Variants in CAMTA1 observed in about 807,000 individuals in gnomAD.
CAMTA1 encodes calmodulin binding transcription activator 1.
In CAMTA1, 27 loss-of-function variants were observed where a neutral mutation model predicts 170.9. That is an observed-to-expected ratio of 0.16 (90% confidence interval 0.12 to 0.22). The LOEUF (loss-of-function observed/expected upper bound fraction) is 0.22. Among genes scored for constraint, CAMTA1 ranks in the 10% least tolerant of loss-of-function variants. CAMTA1 has a pLI of 1.00. For missense variants in CAMTA1, 1,619 were observed against 2,217.2 expected (o/e 0.73, Z 5.42); for synonymous variants, 833 against 891.5 (o/e 0.93, Z 1.17).
rs180756099 is a variant in CAMTA1 at position 7,093,835 on chromosome 1, T to C, written c.302+2464T>C. ...CTCCGTCACTCAGTGGCTTTGCGACTGTGAAAAGGTCATCTTAGCTCCTTT... is the reference window on the plus strand; with the variant it reads ...CTCCGTCACTCAGTGGCTTTGCGACCGTGAAAAGGTCATCTTAGCTCCTTT... On this transcript the variant is annotated intron_variant, in intron 4 of 22. Transcript: ENST00000303635. The surrounding 1 kb of genome is among the most constrained non-coding windows in gnomAD (Gnocchi z 4.6). Among the ~76,000 whole-genome samples, 20 of 152,360 alleles carry C rather than the reference T, an allele frequency of 1.3e-4. No homozygotes were observed. Among genetic ancestry groups the C allele is most frequent in the East Asian group, 5.8e-4 (3 of 5,182 alleles).
chr1:6,807,309 C>T (rs921037548), intron 1 of CAMTA1, among the ~76,000 whole-genome samples: 3 of 152,188 alleles, frequency 2.0e-5, no homozygotes, highest in Admixed American at 2.0e-4. Context: ...CTGGCCTTTA[C>T]TCTGTCCCTT....
intron 6 of CAMTA1, among the ~76,000 whole-genome samples, chr1:7,540,540 G>A (rs916333945): frequency 6.6e-6 from 1 of 152,174 alleles, no homozygotes; most frequent in Non-Finnish European, 1.5e-5. Context: ...TTCAATAGAT[G>A]TCTACACTTT....
At chr1:7,302,869 C>T (rs77751572) in intron 5 of CAMTA1, among the ~76,000 whole-genome samples, 44,444 of 151,982 alleles carry the variant, frequency 0.29, 7,393 homozygotes, top group Admixed American at 0.41. Flanking sequence ...CAATCTGCAG[C>T]AGAATTAATC....
intron 5 of CAMTA1, among the ~76,000 whole-genome samples, chr1:7,254,595 T>C (rs6577428): frequency 0.7 from 106,357 of 152,148 alleles, 38,219 homozygotes; most frequent in African/African-American, 0.87. Context: ...GTGGTGGTAA[T>C]GAGGTTATGT....
chr1:7,309,287 ATTTTTTTTTTTTT>A lies in CAMTA1; in HGVS notation c.438+59679_438+59691del, dbSNP rs34401498. Among the ~76,000 whole-genome samples, 27 of 70,468 alleles carry A rather than the reference ATTTTTTTTTTTTT, an allele frequency of 3.8e-4. No individual in the cohort carries two copies. In the Admixed American group the frequency reaches 5.6e-3, roughly 15 times the overall value. The allele number at this position is 70,468 out of a possible 152,430, so 46.2% of individuals were successfully genotyped here. On this transcript the variant is annotated intron_variant, in intron 5 of 22. Transcript: ENST00000303635. ...GTCTTTTCATTATTGCAGTTAGAAA[ATTTTTTTTTTTTT>A]TTTTTTTTTTTTTTTTTGAGACGGA...
chr1:6,952,108 T>A (rs1365973816), intron 3 of CAMTA1, among the ~76,000 whole-genome samples: 1 of 152,132 alleles, frequency 6.6e-6, no homozygotes, highest in Non-Finnish European at 1.5e-5. Flanking sequence ...AAAACAATAC[T>A]GGGTGGTTCA....
intron 1 of CAMTA1, among the ~76,000 whole-genome samples, chr1:6,799,704 A>C (rs1643433991): frequency 6.6e-6 from 1 of 152,166 alleles, no homozygotes. Context: ...ATTAATAATT[A>C]ATAGCAATAA....
chr1:7,689,735 C>T lies in CAMTA1; in HGVS notation c.2914+12002C>T, dbSNP rs117864244. Among the ~76,000 whole-genome samples the T allele has an allele frequency of 1.5e-3, 236 of 152,306 alleles. 8 individuals are homozygous for T. The East Asian group carries it at 0.04, about 26-fold the overall frequency. On this transcript the variant is annotated intron_variant, in intron 11 of 22. Transcript: ENST00000303635. ...AGAGCAGCTGCTGGCCCCAAGCCAT[C>T]GCTGAATCGGGATGGAAGTCACCTC... is the stretch of plus-strand genomic sequence containing the variant.
At chr1:7,424,451 A>C (rs1410909107) in intron 5 of CAMTA1, among the ~76,000 whole-genome samples, 1 of 5,428 alleles carries the variant, frequency 1.8e-4, no homozygotes, top group African/African-American at 6.1e-4. Flanking sequence ...TGGGAGGATG[A>C]GGGGGGGTGG....
intron 4 of CAMTA1, among the ~76,000 whole-genome samples, chr1:7,240,452 C>T (rs1407438306): frequency 6.6e-6 from 1 of 150,806 alleles, no homozygotes; most frequent in Non-Finnish European, 1.5e-5. Flanking sequence ...GTATTTCAGT[C>T]GAATGTTGAT....
intron 3 of CAMTA1, among the ~76,000 whole-genome samples, chr1:6,886,787 C>G (rs948382569): frequency 6.6e-6 from 1 of 152,278 alleles, no homozygotes; most frequent in Non-Finnish European, 1.5e-5. Context: ...TGACCCTTCC[C>G]CCAAAATAGT....
intron 5 of CAMTA1, among the ~76,000 whole-genome samples, chr1:7,311,292 C>T (rs1676693693): frequency 6.6e-6 from 1 of 152,142 alleles, no homozygotes. Context: ...AGGCTCTGCT[C>T]ATTTTTTAAA....
intron 3 of CAMTA1, among the ~76,000 whole-genome samples, chr1:6,910,936 A>G (rs191911166): frequency 1.3e-5 from 2 of 152,338 alleles, no homozygotes; most frequent in East Asian, 3.9e-4. Flanking sequence ...GTGGCGGGCA[A>G]GGAGTGGACT....
chr1:7,219,502 G>A (rs1217752988), intron 4 of CAMTA1: 1 of 145,834 alleles, frequency 6.9e-6, no homozygotes, highest in Non-Finnish European at 1.5e-5. Flanking sequence ...GGTAGTGGGG[G>A]ACTGTGTCTG....
chr1:7,208,619 G>A (rs1480391730), intron 4 of CAMTA1, among the ~76,000 whole-genome samples: 1 of 152,212 alleles, frequency 6.6e-6, no homozygotes, highest in East Asian at 1.9e-4. Flanking sequence ...TTGTGGGTCC[G>A]AGAAGAGGCG....
intron 3 of CAMTA1, among the ~76,000 whole-genome samples, chr1:7,011,998 C>G (rs1475278797): frequency 6.6e-6 from 1 of 152,216 alleles, no homozygotes; most frequent in African/African-American, 2.4e-5. Context: ...CCTTCCCAAT[C>G]CTCAGACTTT....
At chr1:6,862,130 T>G (rs1258950660) in intron 3 of CAMTA1, among the ~76,000 whole-genome samples, 1 of 152,178 alleles carries the variant, frequency 6.6e-6, no homozygotes, top group African/African-American at 2.4e-5. Context: ...GCCTGGCTAC[T>G]TTTTATATTT....
At chr1:7,464,209 G>A (rs1253224693) in intron 5 of CAMTA1, among the ~76,000 whole-genome samples, 1 of 151,882 alleles carries the variant, frequency 6.6e-6, no homozygotes, top group Admixed American at 6.6e-5. Context: ...AAAAATAAGG[G>A]AACCCACGGC....
intron 1 of CAMTA1, among the ~76,000 whole-genome samples, chr1:6,815,453 C>T (rs896320010): frequency 6.6e-6 from 1 of 152,188 alleles, no homozygotes; most frequent in African/African-American, 2.4e-5. Context: ...GTCCTCTCGC[C>T]TTGGCCTTCC....
Sources: allele counts gnomAD v4.1 joint callset (sites outside exome capture counted in the v4.1 genomes callset), GRCh38; gene constraint gnomAD v4.1.1; non-coding constraint Gnocchi (gnomAD v3.1); transcripts MANE v1.5; gene names NCBI Gene and HGNC (gene_info 2026-07-23, HGNC 2026-07-21).